Variants in C12orf50 observed in about 807,000 individuals in gnomAD.
The protein encoded by C12orf50 is zinc finger CCCH-type containing 11D, also known as uncharacterized protein C12orf50.
C12orf50 carries 35 observed loss-of-function variants against 61.6 expected under a neutral mutation model. The observed-to-expected ratio is 0.57, with a 90% CI of 0.43 to 0.75. The LOEUF is 0.75. Among genes scored for constraint, C12orf50 ranks in the 30% least tolerant of loss-of-function variants. The pLI is 0.00. For missense variants in C12orf50, 475 were observed against 488.5 expected (o/e 0.97, Z 0.26); for synonymous variants, 178 against 161.5 (o/e 1.10, Z -0.77).
chr12:88,027,971 G>C (rs1428787753), intron 1 of C12orf50: 1 of 152,104 alleles, frequency 6.6e-6, no homozygotes, highest in Non-Finnish European at 1.5e-5. Flanking sequence ...ACTGGTATTT[G>C]AAACCCTGGG....
intron 3 of C12orf50, among the ~76,000 whole-genome samples, chr12:88,012,611 T>C (rs1419465457): frequency 1.3e-5 from 2 of 152,232 alleles, no homozygotes; most frequent in Non-Finnish European, 2.9e-5. Context: ...GGCAAATCTA[T>C]ACAACACTTG....
chr12:88,019,716 A>C (rs1418548149), intron 3 of C12orf50, among the ~76,000 whole-genome samples: 2 of 152,158 alleles, frequency 1.3e-5, no homozygotes, highest in African/African-American at 2.4e-5. Context: ...ATAACAAAGC[A>C]CTAGGAAGGT....
rs770846011 is a variant in C12orf50 at position 87,983,088 on chromosome 12, C to T, written c.1219+15G>A. ...AGAATTGCATGATACATTAAAACCA[C>T]TTATAAATAGTTACCTGGATATATC... On this transcript the variant is annotated intron_variant, in intron 12 of 12. Coordinates refer to ENST00000298699, the MANE Select transcript of C12orf50 (RefSeq NM_152589.3). 1.4e-6 allele frequency: 2 copies of T among 1,472,922 alleles called. No individual in the cohort carries two copies. Among genetic ancestry groups the T allele is most frequent in the Non-Finnish European group, 1.9e-6 (2 of 1,065,440 alleles). The allele number at this position is 1,472,922 out of a possible 1,614,324, so 91.2% of individuals were successfully genotyped here.
At chr12:87,998,219 G>T in intron 3 of C12orf50, 29 bp from the exon 4 acceptor site, 1 of 1,582,254 alleles carries the variant, frequency 6.3e-7, no homozygotes, top group Non-Finnish European at 8.6e-7. Context: ...ATTTCAGTCT[G>T]TTCAAGATAT....
At chr12:87,998,606 T>C (rs983901681) in intron 3 of C12orf50, among the ~76,000 whole-genome samples, 22 of 152,182 alleles carry the variant, frequency 1.4e-4, no homozygotes, top group East Asian at 5.8e-4. Context: ...ATTTTCCGAA[T>C]TAATCTATAG....
intron 3 of C12orf50, among the ~76,000 whole-genome samples, chr12:88,024,887 A>C (rs920166528): frequency 6.6e-6 from 1 of 152,214 alleles, no homozygotes; most frequent in African/African-American, 2.4e-5. Context: ...CTCGTGGTTC[A>C]AGTTACATAA....
chr12:87,986,916 A>C (rs2030854778), intron 9 of C12orf50, among the ~76,000 whole-genome samples: 1 of 152,176 alleles, frequency 6.6e-6, no homozygotes, highest in Admixed American at 6.6e-5. Flanking sequence ...TTGAGCAATC[A>C]GAATTTATAA....
Position 87,998,035 on chromosome 12 carries a change from C to G in C12orf50, c.289G>C (p.Asp97His). The change falls in exon 4 of 13, where the codon GAT becomes CAT. Residue 97 changes from aspartate to histidine, a missense_variant and splice_region_variant. Transcript: ENST00000298699. ...TAAACCTGAAAAAAGTTCTACTAAC[C>G]ATTTTGTTCATCTACTTCCTCTTCT... ...EEEEEVDEQNDASSLWTKTPE... is the reference protein window; with the variant it reads ...EEEEEVDEQNHASSLWTKTPE... 6.2e-7 allele frequency: 1 copy of G among 1,604,982 alleles called. No individual in the cohort carries two copies. Among genetic ancestry groups the G allele is most frequent in the Non-Finnish European group, 8.5e-7 (1 of 1,175,624 alleles).
chr12:87,982,502 TA>T (rs2030541265), intron 12 of C12orf50, among the ~76,000 whole-genome samples: 1 of 152,136 alleles, frequency 6.6e-6, no homozygotes. Flanking sequence ...TTTCCAAACC[TA>T]CTGAACCAGC....
intron 4 of C12orf50, 62 bp downstream of exon 4, chr12:87,997,973 C>T: frequency 1.5e-6 from 2 of 1,355,846 alleles, no homozygotes; most frequent in South Asian, 1.4e-5. Context: ...CAGTTAAACA[C>T]ATATGTAAAA....
intron 11 of C12orf50, chr12:87,983,852 C>T (rs1186490758): frequency 9.4e-6 from 1 of 106,672 alleles, no homozygotes; most frequent in Non-Finnish European, 2.4e-5. Context: ...AATAAACATA[C>T]GTGTGCATGT....
intron 3 of C12orf50, among the ~76,000 whole-genome samples, chr12:88,011,933 G>A (rs1016653796): frequency 2.0e-5 from 3 of 152,168 alleles, no homozygotes; most frequent in African/African-American, 4.8e-5. Flanking sequence ...AGATAAGCAC[G>A]TAGAATTGGC....
At position 88,027,046 on chromosome 12, in the gene C12orf50, A is replaced by G; in HGVS notation, c.-84T>C. ...GTGTCACTGCCAAGGGCCTCTTCACAGTGTCGGAATCGGCACTGGGAACCC... is the reference window on the plus strand; with the variant it reads ...GTGTCACTGCCAAGGGCCTCTTCACGGTGTCGGAATCGGCACTGGGAACCC... On this transcript the variant is annotated 5_prime_UTR_variant, in exon 2 of 13. Transcript: ENST00000298699. 6.2e-7 allele frequency: 1 copy of G among 1,613,280 alleles called. No homozygotes were observed. The highest frequency in any genetic ancestry group is 1.1e-5 in the South Asian group (1 of 90,876).
chr12:87,980,583 G>A (rs1223406709), intron 12 of C12orf50, among the ~76,000 whole-genome samples: 2 of 152,094 alleles, frequency 1.3e-5, no homozygotes, highest in Admixed American at 6.6e-5. Flanking sequence ...AAGTGACACC[G>A]TATATAAGGC....
Position 88,023,170 on chromosome 12 carries a change from T to C in C12orf50, c.133+3318A>G, listed in dbSNP as rs1592686643. ...GCACAAAAAAACACACATAGACCAA[T>C]GGAATAGAATAGAAAGTCTAGAAAT... On this transcript the variant is annotated intron_variant, in intron 3 of 12. Coordinates refer to ENST00000298699, the MANE Select transcript of C12orf50 (RefSeq NM_152589.3). Among the ~76,000 whole-genome samples the C allele has an allele frequency of 1.3e-5, 2 of 151,698 alleles. 1 individual carries two copies. Among genetic ancestry groups the C allele is most frequent in the Non-Finnish European group, 2.9e-5 (2 of 67,950 alleles).
chr12:88,025,111 A>G (rs1184263375), intron 3 of C12orf50, among the ~76,000 whole-genome samples: 1 of 152,236 alleles, frequency 6.6e-6, no homozygotes, highest in Non-Finnish European at 1.5e-5. Context: ...CCATAAATAA[A>G]TAAATACATG....
chr12:88,004,393 A>T (rs570632102), intron 3 of C12orf50, among the ~76,000 whole-genome samples: 1 of 152,352 alleles, frequency 6.6e-6, no homozygotes, highest in Admixed American at 6.5e-5. Flanking sequence ...AAGCTAAAAA[A>T]ATAGCAGATG....
chr12:87,991,586 T>C (rs2031123670), intron 7 of C12orf50, among the ~76,000 whole-genome samples: 1 of 152,006 alleles, frequency 6.6e-6, no homozygotes, highest in Non-Finnish European at 1.5e-5. Context: ...GGCTAGAGAC[T>C]TAAAAATGCA....
chr12:87,982,468 C>T (rs1028105183), intron 12 of C12orf50, among the ~76,000 whole-genome samples: 4 of 152,100 alleles, frequency 2.6e-5, no homozygotes, highest in African/African-American at 7.2e-5. Flanking sequence ...GAGAAGTAAT[C>T]GAAAGCATTT....
Sources: allele counts gnomAD v4.1 joint callset (sites outside exome capture counted in the v4.1 genomes callset), GRCh38; gene constraint gnomAD v4.1.1; transcripts MANE v1.5; gene names NCBI Gene and HGNC (gene_info 2026-07-23, HGNC 2026-07-21).